The following JAG2 variants were observed in gnomAD, a reference collection of about 807,000 sequenced individuals.
JAG2 encodes protein jagged-2.
JAG2 carries 46 observed loss-of-function variants against 141.7 expected under a neutral mutation model. The observed-to-expected ratio is 0.32, with a 90% CI of 0.26 to 0.42. The LOEUF (loss-of-function observed/expected upper bound fraction) is 0.42. Among genes scored for constraint, JAG2 ranks in the 10% least tolerant of loss-of-function variants. The probability of loss-of-function intolerance (pLI) is 1.00; values close to 1 mark genes in which losing one functional copy is unlikely to be tolerated. For synonymous variants in JAG2, 862 were observed against 763.5 expected (o/e 1.13, Z -2.13); for missense variants, 1,500 against 1,817.5 (o/e 0.83, Z 3.18).
In JAG2 at chr14:105,142,819, G is replaced by A. The variant is rs749157899; in HGVS notation, c.3593C>T (p.Ser1198Leu). Residue 1198 changes from serine to leucine, a missense_variant, in exon 26 of 26, where the codon TCA (serine) becomes TTA (leucine). Coordinates refer to ENST00000331782, the MANE Select transcript of JAG2 (RefSeq NM_002226.5). ...GCCAGGATCTTTGGTGAATTTGTGT[G>A]AGAGGAACTTCTCCGCCTCCAGGGA... ...EDSLEAEKFLSHKFTKDPGRS... is the reference protein window; with the variant it reads ...EDSLEAEKFLLHKFTKDPGRS... 3.7e-6 allele frequency: 6 copies of A among 1,610,948 alleles called. No individual in the cohort carries two copies. Among genetic ancestry groups the A allele is most frequent in the East Asian group, 4.5e-5 (2 of 44,844 alleles).
Position 105,155,867 on chromosome 14 carries a change from C to T in JAG2, c.598G>A (p.Glu200Lys), listed in dbSNP as rs1888566503. The T allele has an allele frequency of 1.9e-6, 3 of 1,612,250 alleles. No individual in the cohort carries two copies. The highest frequency in any genetic ancestry group is 1.7e-6 in the Non-Finnish European group (2 of 1,179,714). ...TTGCAAGTGGCGCTGTAGTAGTTCT[C>T]GTCGCAGCGCACGCGGATCTGCAGC... Reference protein sequence around the residue: ...LELQIRVRCDENYYSATCNKF... With the variant: ...LELQIRVRCDKNYYSATCNKF... The change falls in exon 4 of 26, where the codon GAG becomes AAG. Residue 200 changes from glutamate (E) to lysine (K), a missense_variant. Coordinates refer to ENST00000331782, the MANE Select transcript of JAG2 (RefSeq NM_002226.5).
chr14:105,148,057 G>A (rs1888284926), intron 17 of JAG2, 59 bp downstream of exon 17: 3 of 1,403,178 alleles, frequency 2.1e-6, no homozygotes, highest in Non-Finnish European at 3.0e-6. Flanking sequence ...CGCGCCCGAG[G>A]GAGCGGTGCC....
chr14:105,143,591 G>A lies in JAG2; in HGVS notation c.3132C>T (p.Gly1044=), dbSNP rs117007108. The change falls in exon 25 of 26, where the codon GGC becomes GGT. Residue 1044 remains glycine (G), a synonymous_variant. Transcript: ENST00000331782. ...TGGCGGCCACGATGGCGTGGGCCGC[G>A]CCCTGGATCAGGCTGCTGTCAGGCA... ...RDLPDSSLIQ[G]AAHAIVAAIT... 7.8e-4 allele frequency: 1,259 copies of A among 1,607,354 alleles called. 23 individuals are homozygous for A. The East Asian group carries it at 0.015, about 19-fold the overall frequency.
intron 2 of JAG2, among the ~76,000 whole-genome samples, chr14:105,157,973 C>T (rs587703285): frequency 6.6e-6 from 1 of 152,342 alleles, no homozygotes; most frequent in South Asian, 2.1e-4. Context: ...GAGACTGCCC[C>T]TCCAGGCCAC....
At chr14:105,162,370 G>A (rs587751805) in intron 2 of JAG2, among the ~76,000 whole-genome samples, 1 of 146,212 alleles carries the variant, frequency 6.8e-6, no homozygotes, top group South Asian at 2.2e-4. Flanking sequence ...TCAAGGCTAA[G>A]TCTAAACCCC....
rs1244285852 is a variant in JAG2 at position 105,141,172 on chromosome 14, G to C, written c.*1523C>G. On this transcript the variant is annotated 3_prime_UTR_variant, in exon 26 of 26. Transcript: ENST00000331782. The stretch of plus-strand genomic sequence containing the variant: ...GGTAAAGACTTGCACATCACTGACA[G>C]GCGGCTCGGAGTCAGCCTTGGAGTC... The C allele has an allele frequency of 6.6e-6, 1 of 152,126 alleles. No individual in the cohort carries two copies. The highest frequency in any genetic ancestry group is 1.5e-5 in the Non-Finnish European group (1 of 68,062). The allele number at this position is 152,126 out of a possible 1,614,324, so 9.4% of individuals were successfully genotyped here. A position where few individuals can be genotyped will look rare whatever the true frequency, so the allele number is the denominator to read the frequency against.
intron 9 of JAG2, 65 bp downstream of exon 9, chr14:105,151,218 C>A (rs1888417553): frequency 2.0e-6 from 3 of 1,509,558 alleles, no homozygotes; most frequent in Non-Finnish European, 2.7e-6. Flanking sequence ...GCCCCCGCAG[C>A]CCCAGCAGCC....
intron 2 of JAG2, among the ~76,000 whole-genome samples, chr14:105,165,100 G>A (rs1428199454): frequency 1.3e-5 from 2 of 152,224 alleles, no homozygotes; most frequent in Non-Finnish European, 2.9e-5. Context: ...AGGCTCCTGG[G>A]CTCCTGGCTC....
At chr14:105,159,407 G>A (rs905651673) in intron 2 of JAG2, among the ~76,000 whole-genome samples, 4 of 151,646 alleles carry the variant, frequency 2.6e-5, no homozygotes, top group South Asian at 2.1e-4. Flanking sequence ...CCTTAAACCC[G>A]TTTTCCCACA....
At chr14:105,146,181 G>A (rs1888217421) in intron 22 of JAG2, among the ~76,000 whole-genome samples, 1 of 152,194 alleles carries the variant, frequency 6.6e-6, no homozygotes, top group African/African-American at 2.4e-5. Flanking sequence ...GGCGGAGCAA[G>A]GCAGGACCCA....
chr14:105,147,097 G>A, intron 20 of JAG2: 1 of 620,874 alleles, frequency 1.6e-6, no homozygotes, highest in Non-Finnish European at 2.9e-6. Flanking sequence ...AGCTCCCTGG[G>A]CCCCGGACTG....
chr14:105,148,122 C>A lies in JAG2; in HGVS notation c.2242G>T (p.Ala748Ser). 6.5e-7 allele frequency: 1 copy of A among 1,547,592 alleles called. No homozygotes were observed. Among genetic ancestry groups the A allele is most frequent in the Non-Finnish European group, 8.7e-7 (1 of 1,145,582 alleles). The change falls in exon 17 of 26, where the codon GCC becomes TCC. Residue 748 changes from alanine (A) to serine (S), a missense_variant. Ala to Ser is a moderately conservative substitution (Grantham distance 99, BLOSUM62 1). Transcript: ENST00000331782. ...CPPGWKGSTCAVAKNSSCLPN... is the reference protein window; with the variant it reads ...CPPGWKGSTCSVAKNSSCLPN... The stretch of plus-strand genomic sequence containing the variant: ...GGCAGCGGGGGCTCCTCACCGACGG[C>A]GCAGGTGCTGCCCTTCCAGCCGGGG...
intron 3 of JAG2, among the ~76,000 whole-genome samples, 168 bp from the exon 4 acceptor site, chr14:105,156,157 A>G (rs1888576907): frequency 6.6e-6 from 1 of 151,990 alleles, no homozygotes; most frequent in Non-Finnish European, 1.5e-5. Context: ...CAGAAAGCTC[A>G]GGGCCCCGAG....
At chr14:105,161,383 C>A (rs1392674646) in intron 2 of JAG2, among the ~76,000 whole-genome samples, 1 of 152,150 alleles carries the variant, frequency 6.6e-6, no homozygotes, top group East Asian at 1.9e-4. Context: ...CAGAGAAAAG[C>A]CAGGCCACCC....
chr14:105,150,753 C>G lies in JAG2; in HGVS notation c.1453G>C (p.Val485Leu). Residue 485 changes from valine (V) to leucine (L), a missense_variant, in exon 12 of 26, where the codon GTG becomes CTG. By Grantham distance (32) the Val-to-Leu change is conservative (BLOSUM62 1). Transcript: ENST00000331782. ...CKDLVNGYQC[V>L]CPRGFGGRHC... ...CGGCCTCCGAAGCCCCGTGGGCACACACACTGGTACCCGTTCACCAGGTCC... is the reference window on the plus strand; with the variant it reads ...CGGCCTCCGAAGCCCCGTGGGCACAGACACTGGTACCCGTTCACCAGGTCC... The G allele has an allele frequency of 6.3e-7, 1 of 1,587,642 alleles. No individual in the cohort carries two copies. Among genetic ancestry groups the G allele is most frequent in the Non-Finnish European group, 8.6e-7 (1 of 1,167,556 alleles).
At chr14:105,147,992 A>AG in intron 17 of JAG2, 104 bp from the exon 18 acceptor site, 1 of 1,106,288 alleles carries the variant, frequency 9.0e-7, no homozygotes, top group Non-Finnish European at 1.3e-6. Flanking sequence ...ACCCGGGGGC[A>AG]GGGGGCAGGG....
At chr14:105,152,772 C>G (rs889616043) in intron 5 of JAG2, among the ~76,000 whole-genome samples, 1 of 152,142 alleles carries the variant, frequency 6.6e-6, no homozygotes, top group Non-Finnish European at 1.5e-5. Flanking sequence ...TCATTTCGCT[C>G]GCTCCCAGTA....
chr14:105,151,877 C>T (rs587753763), intron 7 of JAG2, 61 bp downstream of exon 7: 11 of 1,610,880 alleles, frequency 6.8e-6, no homozygotes, highest in South Asian at 3.3e-5. Context: ...GGGGCCTGAC[C>T]GGCTCCCCAG....
intron 24 of JAG2, among the ~76,000 whole-genome samples, chr14:105,144,044 C>G (rs1196984139): frequency 1.4e-5 from 2 of 139,728 alleles, no homozygotes; most frequent in African/African-American, 2.7e-5. Context: ...TCCGGGCACA[C>G]AGGAGAGCCC....
Sources: gnomAD v4.1 joint callset for allele counts (sites outside exome capture counted in the v4.1 genomes callset) on GRCh38, gnomAD v4.1.1 for gene constraint, MANE v1.5 for transcripts, NCBI Gene and HGNC (gene_info 2026-07-23, HGNC 2026-07-21) for gene names.